The following TRDN variants were observed in gnomAD, a reference collection of about 807,000 sequenced individuals.
The protein encoded by TRDN is triadin.
A neutral mutation model predicts 149.7 loss-of-function variants in TRDN; 161 were observed. The observed-to-expected ratio is 1.08, with a 90% CI of 0.95 to 1.23. The LOEUF (loss-of-function observed/expected upper bound fraction) is 1.23. Among genes scored for constraint, TRDN ranks in the 50% most tolerant of loss-of-function variants. TRDN has a pLI of 0.00. For synonymous variants in TRDN, 294 were observed against 250.5 expected, an observed-to-expected ratio of 1.17 and a Z score of -1.64; for missense variants, 896 against 823.5, an observed-to-expected ratio of 1.09 and a Z score of -1.08.
chr6:123,228,636 G>A (rs985046383), intron 38 of TRDN, among the ~76,000 whole-genome samples: 1 of 151,938 alleles, frequency 6.6e-6, no homozygotes, highest in African/African-American at 2.4e-5. Flanking sequence ...CCCACAACAT[G>A]TGGGGATATG....
At chr6:123,476,641 A>G (rs1009287316) in intron 9 of TRDN, among the ~76,000 whole-genome samples, 6 of 147,918 alleles carry the variant, frequency 4.1e-5, no homozygotes, top group African/African-American at 1.5e-4. Context: ...GAGGCATCAC[A>G]CTACCTGACT....
intron 12 of TRDN, among the ~76,000 whole-genome samples, chr6:123,407,001 G>T (rs1263840973): frequency 2.0e-5 from 3 of 152,078 alleles, no homozygotes; most frequent in Non-Finnish European, 4.4e-5. Context: ...CCAAGCTCAG[G>T]GTGCTTGCTG....
intron 10 of TRDN, among the ~76,000 whole-genome samples, chr6:123,459,506 T>A (rs1221443954): frequency 6.6e-6 from 1 of 152,220 alleles, no homozygotes; most frequent in Non-Finnish European, 1.5e-5. Context: ...TTTCTGGATG[T>A]CTAAACCATT....
At chr6:123,402,668 G>A (rs1773029958) in intron 12 of TRDN, among the ~76,000 whole-genome samples, 1 of 152,100 alleles carries the variant, frequency 6.6e-6, no homozygotes, top group South Asian at 2.1e-4. Context: ...AAGTGTCCAT[G>A]ATTGTCTGGG....
chr6:123,331,876 T>C lies in TRDN; in HGVS notation c.1471+3A>G. ...GGCTTCACATTTCATTGTATAATAT[T>C]ACCTTTTTCCTTTAGGGAAGCTGGA... On this transcript the variant is annotated splice_donor_region_variant and intron_variant, in intron 23 of 40. Coordinates refer to ENST00000334268, the MANE Select transcript of TRDN (RefSeq NM_006073.4). The C allele has an allele frequency of 6.5e-7, 1 of 1,537,128 alleles. No individual in the cohort carries two copies. The highest frequency in any genetic ancestry group is 1.2e-5 in the South Asian group (1 of 80,992).
At chr6:123,242,551 A>G (rs9490713) in intron 38 of TRDN, among the ~76,000 whole-genome samples, 45,885 of 151,974 alleles carry the variant, frequency 0.3, 7,236 homozygotes, top group Non-Finnish European at 0.34. Flanking sequence ...GTTTAGATTC[A>G]GCTAATACGA....
At chr6:123,356,677 G>T (rs1780697468) in intron 20 of TRDN, among the ~76,000 whole-genome samples, 1 of 149,798 alleles carries the variant, frequency 6.7e-6, no homozygotes, top group East Asian at 1.9e-4. Context: ...TTAAATGTTT[G>T]AAATAATTCA....
At chr6:123,483,599 C>G (rs1562339578) in intron 9 of TRDN, among the ~76,000 whole-genome samples, 3 of 152,258 alleles carry the variant, frequency 2.0e-5, no homozygotes, top group East Asian at 1.9e-4. Flanking sequence ...CTGTGGCCCT[C>G]TCTCTGGAAT....
At chr6:123,533,518 T>C (rs1393854694) in intron 4 of TRDN, among the ~76,000 whole-genome samples, 2 of 152,034 alleles carry the variant, frequency 1.3e-5, no homozygotes, top group Admixed American at 1.3e-4. Flanking sequence ...TTGATCATAG[T>C]AGGGTTTCCT....
intron 2 of TRDN, among the ~76,000 whole-genome samples, chr6:123,558,002 T>C (rs1368418558): frequency 6.6e-6 from 1 of 152,108 alleles, no homozygotes; most frequent in African/African-American, 2.4e-5. Context: ...CAATACAAAC[T>C]GGACAGTGGT....
At chr6:123,359,786 C>G (rs1171357655) in intron 20 of TRDN, among the ~76,000 whole-genome samples, 1 of 152,082 alleles carries the variant, frequency 6.6e-6, no homozygotes, top group Non-Finnish European at 1.5e-5. Context: ...AGCTCCGCCT[C>G]CTGGGTTCAC....
chr6:123,386,452 A>AT (rs1781910443), intron 14 of TRDN, among the ~76,000 whole-genome samples: 1 of 152,232 alleles, frequency 6.6e-6, no homozygotes, highest in Non-Finnish European at 1.5e-5. Flanking sequence ...AATATCAGAT[A>AT]ACAGCTCACC....
At position 123,229,827 on chromosome 6, in the gene TRDN, T is replaced by C. The variant is rs142820771; in HGVS notation, c.1976-5696A>G. ...CAGCACCAATGGTAGGTATGGTATA[T>C]AATTATGTTTATTCTTAATTATGTA... is the stretch of plus-strand genomic sequence containing the variant. On this transcript the variant is annotated intron_variant, in intron 38 of 40. Coordinates refer to ENST00000334268, the MANE Select transcript of TRDN (RefSeq NM_006073.4). Among the ~76,000 whole-genome samples the C allele has an allele frequency of 5.9e-5, 9 of 152,066 alleles. No homozygotes were observed. The South Asian group carries it at 6.2e-4, about 10-fold the overall frequency.
chr6:123,596,999 A>AT lies in TRDN; in HGVS notation c.23-25868dup, dbSNP rs367832541. Among the ~76,000 whole-genome samples, 80 of 152,100 alleles carry AT rather than the reference A, an allele frequency of 5.3e-4. 1 individual carries two copies. The highest frequency in any genetic ancestry group is 1.8e-3 in the African/African-American group (76 of 41,516). On this transcript the variant is annotated intron_variant, in intron 1 of 40. Transcript: ENST00000334268. ...AAGAGTAATTTTTATTTCTAGAGTTATTTTTTAAGAAATACGTTTTTGTAA... is the reference window on the plus strand; with the variant it reads ...AAGAGTAATTTTTATTTCTAGAGTTATTTTTTTAAGAAATACGTTTTTGTAA...
rs189254870 is a variant in TRDN, at chr6:123,596,467, C to T, written c.23-25335G>A. On this transcript the variant is annotated intron_variant, in intron 1 of 40. Coordinates refer to ENST00000334268, the MANE Select transcript of TRDN (RefSeq NM_006073.4). Reference sequence around the variant, plus strand: ...AAGATGATGGATGAAAATGGCTACACTAAACAACAAACTTTCAATGTGGAT... The same window carrying T: ...AAGATGATGGATGAAAATGGCTACATTAAACAACAAACTTTCAATGTGGAT... 2.2e-3 allele frequency among the ~76,000 whole-genome samples: 329 copies of T among 152,232 alleles called. 1 individual carries two copies. Among genetic ancestry groups the T allele is most frequent in the Non-Finnish European group, 3.7e-3 (254 of 67,980 alleles).
chr6:123,447,283 C>G (rs1406340440), intron 10 of TRDN, among the ~76,000 whole-genome samples: 7 of 152,290 alleles, frequency 4.6e-5, no homozygotes, highest in African/African-American at 1.4e-4. Flanking sequence ...AAATGCTTAT[C>G]TAGTCTTATG....
intron 8 of TRDN, among the ~76,000 whole-genome samples, chr6:123,499,794 T>C (rs1432152129): frequency 1.4e-5 from 2 of 143,878 alleles, no homozygotes; most frequent in Admixed American, 7.2e-5. Context: ...AGACTTTTTT[T>C]CCTTATCATT....
chr6:123,499,725 T>TATATATATATATATATATAC (rs1778615864), intron 8 of TRDN, among the ~76,000 whole-genome samples: 2 of 42,272 alleles, frequency 4.7e-5, no homozygotes, highest in African/African-American at 1.5e-4. Flanking sequence ...AAAAAATATA[T>TATATATATATATATATATAC]ATATATATAT....
At chr6:123,632,126 ATC>A (rs1297223011) in intron 1 of TRDN, among the ~76,000 whole-genome samples, 1 of 151,974 alleles carries the variant, frequency 6.6e-6, no homozygotes, top group Non-Finnish European at 1.5e-5. Flanking sequence ...ATTTCTTTTC[ATC>A]TGTTCTCCAG....
Sources: gnomAD v4.1 joint callset for allele counts (sites outside exome capture counted in the v4.1 genomes callset) on GRCh38, gnomAD v4.1.1 for gene constraint, MANE v1.5 for transcripts, NCBI Gene and HGNC (gene_info 2026-07-23, HGNC 2026-07-21) for gene names.